The following MAPK10 variants were observed in gnomAD, a reference collection of about 807,000 sequenced individuals.
MAPK10 encodes mitogen-activated protein kinase 10.
A neutral mutation model predicts 59.3 loss-of-function variants in MAPK10; 25 were observed. The observed-to-expected ratio is 0.42, with a 90% CI of 0.31 to 0.59. The LOEUF (loss-of-function observed/expected upper bound fraction) is 0.59, where lower values mean the gene tolerates loss of function less well. MAPK10 is among the 20% of genes least tolerant of loss of function. MAPK10 has a pLI of 0.15. For missense variants in MAPK10, 351 were observed against 568.9 expected, an observed-to-expected ratio of 0.62 and a Z score of 3.90; for synonymous variants, 190 against 200.5, an observed-to-expected ratio of 0.95 and a Z score of 0.44.
chr4:86,359,505 C>T (rs1225699070), intron 1 of MAPK10, among the ~76,000 whole-genome samples, 153 bp downstream of exon 1: 1 of 152,000 alleles, frequency 6.6e-6, no homozygotes, highest in Non-Finnish European at 1.5e-5. Context: ...TAGCTTCTTG[C>T]TTCAAAGCTA....
At chr4:86,139,775 C>G (rs914444126) in intron 4 of MAPK10, among the ~76,000 whole-genome samples, 1 of 151,722 alleles carries the variant, frequency 6.6e-6, no homozygotes, top group African/African-American at 2.4e-5. Flanking sequence ...ATTTTCTCAA[C>G]CTACTCATCT....
chr4:86,237,472 A>G (rs2092352533), intron 2 of MAPK10, among the ~76,000 whole-genome samples: 1 of 152,174 alleles, frequency 6.6e-6, no homozygotes. Flanking sequence ...ATTCCCACCA[A>G]CAGTATAAAA....
At chr4:86,299,773 G>C (rs953911491) in intron 2 of MAPK10, among the ~76,000 whole-genome samples, 1 of 152,144 alleles carries the variant, frequency 6.6e-6, no homozygotes, top group African/African-American at 2.4e-5. Flanking sequence ...TTTAATTATA[G>C]TATTTGAGAG....
At chr4:86,195,926 G>C (rs753619976) in intron 2 of MAPK10, among the ~76,000 whole-genome samples, 14 of 152,180 alleles carry the variant, frequency 9.2e-5, no homozygotes, top group Non-Finnish European at 1.8e-4. Context: ...GCATAGTATT[G>C]CATGGTGTAT....
intron 1 of MAPK10, among the ~76,000 whole-genome samples, chr4:86,515,411 ACT>A (rs1159930441): frequency 5.9e-5 from 9 of 152,206 alleles, no homozygotes; most frequent in Non-Finnish European, 1.0e-4. Context: ...TAATCTCCAC[ACT>A]GTTTTTTATA....
intron 1 of MAPK10, among the ~76,000 whole-genome samples, chr4:86,402,661 A>C (rs1458660005): frequency 6.6e-6 from 1 of 152,162 alleles, no homozygotes; most frequent in Non-Finnish European, 1.5e-5. Context: ...ACCAGGCAAG[A>C]CTAGCCATTT....
intron 1 of MAPK10, among the ~76,000 whole-genome samples, chr4:86,501,303 A>T (rs950876779): frequency 2.0e-5 from 3 of 152,018 alleles, no homozygotes; most frequent in Non-Finnish European, 2.9e-5. Flanking sequence ...ATAGTCTTCA[A>T]CAGCTTTCAA....
intron 1 of MAPK10, among the ~76,000 whole-genome samples, chr4:86,401,257 A>G (rs1235995545): frequency 6.6e-6 from 1 of 152,176 alleles, no homozygotes; most frequent in Non-Finnish European, 1.5e-5. Flanking sequence ...ACGTTAGAAC[A>G]GAAACACAAG....
intron 2 of MAPK10, among the ~76,000 whole-genome samples, chr4:86,304,030 G>T (rs1041404334): frequency 1.3e-5 from 2 of 152,168 alleles, no homozygotes; most frequent in South Asian, 4.1e-4. Context: ...GTCTTGAACG[G>T]TTTATTCTGG....
intron 1 of MAPK10, among the ~76,000 whole-genome samples, chr4:86,516,499 T>C (rs1756674651): frequency 6.6e-6 from 1 of 152,230 alleles, no homozygotes; most frequent in African/African-American, 2.4e-5. Context: ...CAATATTGAT[T>C]CTACCCGTCA....
At chr4:86,314,574 G>A (rs189657167) in intron 2 of MAPK10, among the ~76,000 whole-genome samples, 10 of 152,140 alleles carry the variant, frequency 6.6e-5, no homozygotes, top group South Asian at 4.1e-4. Context: ...CTTCCCAGTC[G>A]TGGGTATGTC....
chr4:86,444,588 G>C (rs755530120), intron 1 of MAPK10, among the ~76,000 whole-genome samples: 1 of 151,972 alleles, frequency 6.6e-6, no homozygotes, highest in African/African-American at 2.4e-5. Context: ...TTAAACTAAA[G>C]AGCTTCTGCA....
At chr4:86,159,585 C>G (rs1405488704) in intron 3 of MAPK10, 118 bp from the exon 4 acceptor site, 2 of 760,496 alleles carry the variant, frequency 2.6e-6, no homozygotes, top group Admixed American at 3.0e-5. Context: ...TCATCTAGTT[C>G]ATGAAGTTCA....
rs1025063663 is a variant in MAPK10 at position 86,525,228 on chromosome 4, C to A, written c.-263+68682G>T. On this transcript the variant is annotated intron_variant, in intron 1 of 4. Coordinates refer to the MAPK10 transcript ENST00000502302. Reference sequence around the variant, plus strand: ...GGGAGGGTGGCTGGAGCCCTGGAGGCAGAGGCTGCAGTGAGCCAAGATCAT... The same window carrying A: ...GGGAGGGTGGCTGGAGCCCTGGAGGAAGAGGCTGCAGTGAGCCAAGATCAT... 1.1e-4 allele frequency among the ~76,000 whole-genome samples: 17 copies of A among 152,170 alleles called. No homozygotes were observed. In the East Asian group the frequency reaches 2.1e-3, roughly 19 times the overall value.
intron 2 of MAPK10, among the ~76,000 whole-genome samples, chr4:86,214,159 C>A (rs78591586): frequency 0.085 from 12,937 of 151,860 alleles, 1,221 homozygotes; most frequent in African/African-American, 0.23. Context: ...TACAGAAAAA[C>A]CATTTGACAA....
intron 4 of MAPK10, among the ~76,000 whole-genome samples, chr4:86,120,947 C>T (rs1173687032): frequency 6.6e-6 from 1 of 152,022 alleles, no homozygotes; most frequent in Non-Finnish European, 1.5e-5. Context: ...TAAAACCCTT[C>T]CGACAGAAAT....
At chr4:86,141,425 G>A (rs1162389407) in intron 4 of MAPK10, among the ~76,000 whole-genome samples, 2 of 152,192 alleles carry the variant, frequency 1.3e-5, no homozygotes, top group African/African-American at 2.4e-5. Flanking sequence ...GTGTGGGGGA[G>A]TATTCTGTCT....
chr4:86,360,806 A>C (rs1736796791), upstream of MAPK10, among the ~76,000 whole-genome samples: 2 of 152,138 alleles, frequency 1.3e-5, no homozygotes, highest in South Asian at 4.1e-4. Context: ...GTCTCCAAAC[A>C]GTTTTACTAT....
chr4:86,484,278 C>T (rs1753819068), intron 1 of MAPK10, among the ~76,000 whole-genome samples: 1 of 152,154 alleles, frequency 6.6e-6, no homozygotes, highest in South Asian at 2.1e-4. Context: ...TATTTAACTC[C>T]CATTATCACA....
Sources: allele counts gnomAD v4.1 joint callset (sites outside exome capture counted in the v4.1 genomes callset), GRCh38; gene constraint gnomAD v4.1.1; transcripts MANE v1.5; gene names NCBI Gene and HGNC (gene_info 2026-07-23, HGNC 2026-07-21).